Variants in OPRD1 observed in about 807,000 individuals in gnomAD.
OPRD1 encodes opioid receptor delta 1.
Under a neutral mutation model 17.5 loss-of-function variants are expected in OPRD1, and 19 were observed. The ratio of observed to expected loss-of-function variants is 1.09; its 90% CI spans 0.76 to 1.60. The LOEUF (loss-of-function observed/expected upper bound fraction) is 1.60. Ranked by LOEUF, OPRD1 falls within the 40% of genes most tolerant of loss-of-function variation. OPRD1 has a pLI of 0.00. For missense variants in OPRD1, 483 were observed against 547.2 expected (o/e 0.88, Z 1.17); for synonymous variants, 256 against 240.9 (o/e 1.06, Z -0.58).
intron 1 of OPRD1, among the ~76,000 whole-genome samples, chr1:28,841,419 G>A (rs1340674526): frequency 6.6e-6 from 1 of 152,234 alleles, no homozygotes; most frequent in Non-Finnish European, 1.5e-5. Context: ...GTGGTTATGA[G>A]CTTAGGCTCT....
At chr1:28,847,327 CAGCCGTG>C (rs1254438852) in intron 1 of OPRD1, among the ~76,000 whole-genome samples, 1 of 151,896 alleles carries the variant, frequency 6.6e-6, no homozygotes, top group Non-Finnish European at 1.5e-5. Context: ...GCTGGGATTA[CAGCCGTG>C]AGCTACCGCG....
Position 28,812,555 on chromosome 1 carries a change from G to T in OPRD1, c.172G>T (p.Ala58Ser). ...LAIAITALYS[A>S]VCAVGLLGNV... ...AATCGCCATCACCGCGCTCTACTCG[G>T]CCGTGTGCGCCGTGGGGCTGCTGGG... Residue 58 changes from alanine to serine, a missense_variant, in exon 1 of 3, where the codon GCC becomes TCC. Ala to Ser is a moderately conservative substitution (Grantham distance 99). Transcript: ENST00000234961. The T allele has an allele frequency of 1.9e-6, 3 of 1,579,904 alleles. No homozygotes were observed. The highest frequency in any genetic ancestry group is 2.6e-6 in the Non-Finnish European group (3 of 1,169,904).
chr1:28,817,770 T>C (rs2088681307), intron 1 of OPRD1, among the ~76,000 whole-genome samples: 2 of 151,648 alleles, frequency 1.3e-5, no homozygotes, highest in African/African-American at 4.8e-5. Context: ...AGTGGTGTGA[T>C]CTCGGCTCAC....
At chr1:28,829,486 AGC>A (rs780615879) in intron 1 of OPRD1, among the ~76,000 whole-genome samples, 8 of 151,688 alleles carry the variant, frequency 5.3e-5, no homozygotes, top group Non-Finnish European at 1.0e-4. Context: ...CTCCTGCCTC[AGC>A]CTCCTGAGTA....
At chr1:28,812,763 C>T (rs1290835782) in intron 1 of OPRD1, among the ~76,000 whole-genome samples, 153 bp downstream of exon 1, 1 of 152,184 alleles carries the variant, frequency 6.6e-6, no homozygotes, top group African/African-American at 2.4e-5. Flanking sequence ...AGGCCACTTA[C>T]ATCGAGGGGA....
In OPRD1 at chr1:28,864,825, G is replaced by C. The variant is rs1184033396; in HGVS notation, c.*1542G>C. On this transcript the variant is annotated 3_prime_UTR_variant, in exon 3 of 3. Coordinates refer to ENST00000234961, the MANE Select transcript of OPRD1 (RefSeq NM_000911.4). ...GGTCCTGGGCCCTGATAAGAACCTG[G>C]ATGAAATCCTCTTCCATTCTCCCAA... 7 of 152,164 alleles carry C rather than the reference G, an allele frequency of 4.6e-5. No individual in the cohort carries two copies. The highest frequency in any genetic ancestry group is 1.7e-4 in the African/African-American group (7 of 41,402). The allele number at this position is 152,164 out of a possible 1,614,324, so 9.4% of individuals were successfully genotyped here.
At chr1:28,814,059 C>T (rs1316079330) in intron 1 of OPRD1, among the ~76,000 whole-genome samples, 1 of 151,986 alleles carries the variant, frequency 6.6e-6, no homozygotes, top group Non-Finnish European at 1.5e-5. Context: ...GAAAGAGTGG[C>T]GGGTACAAGA....
intron 1 of OPRD1, among the ~76,000 whole-genome samples, chr1:28,843,689 C>T (rs2088915890): frequency 1.3e-5 from 2 of 151,576 alleles, no homozygotes; most frequent in South Asian, 2.1e-4. Context: ...GGTGTGATCT[C>T]GGCTTACTGC....
intron 1 of OPRD1, among the ~76,000 whole-genome samples, chr1:28,814,940 TGAG>T (rs1290782003): frequency 2.6e-5 from 4 of 152,012 alleles, no homozygotes; most frequent in African/African-American, 9.7e-5. Flanking sequence ...GCAGATAAAA[TGAG>T]GAATCTGCAG....
intron 1 of OPRD1, among the ~76,000 whole-genome samples, chr1:28,857,674 T>C (rs1031270510): frequency 2.0e-5 from 3 of 152,100 alleles, no homozygotes; most frequent in African/African-American, 2.4e-5. Context: ...TTTGTAGATA[T>C]GGGGTTTCAC....
intron 1 of OPRD1, among the ~76,000 whole-genome samples, chr1:28,829,549 A>G (rs1164323766): frequency 9.2e-5 from 14 of 151,892 alleles, no homozygotes; most frequent in Non-Finnish European, 2.1e-4. Flanking sequence ...TTGTATTTTT[A>G]GTAGAGATGG....
At chr1:28,852,164 T>TG (rs1295582480) in intron 1 of OPRD1, among the ~76,000 whole-genome samples, 1 of 86,752 alleles carries the variant, frequency 1.2e-5, no homozygotes, top group Non-Finnish European at 2.2e-5. Context: ...AAACTCCATG[T>TG]AAAAAAAAAA....
chr1:28,852,191 A>G (rs1308371333), intron 1 of OPRD1, among the ~76,000 whole-genome samples: 1 of 150,554 alleles, frequency 6.6e-6, no homozygotes, highest in Non-Finnish European at 1.5e-5. Context: ...AAAAAAGAAA[A>G]GAAAGAAAGA....
rs536884715 is a variant in OPRD1, at chr1:28,817,324, G to A, written c.227+4714G>A. ...TGAGATGATGTTGGCAAAGCACCGC[G>A]TTTTCCCTCCTATCTGAGGTGACTG... On this transcript the variant is annotated intron_variant, in intron 1 of 2. Coordinates refer to ENST00000234961, the MANE Select transcript of OPRD1 (RefSeq NM_000911.4). Among the ~76,000 whole-genome samples the A allele has an allele frequency of 5.9e-5, 9 of 152,290 alleles. No homozygotes were observed. The South Asian group carries it at 1.7e-3, about 28-fold the overall frequency.
chr1:28,812,424 C>T lies in OPRD1; in HGVS notation c.41C>T (p.Pro14Leu), dbSNP rs777740780. ...APSAGAELQP[P>L]LFANASDAYP... ...TCCGCCGGCGCCGAGCTGCAGCCCC[C>T]GCTCTTCGCCAACGCCTCGGACGCC... The change falls in exon 1 of 3, where the codon CCG (proline) becomes CTG (leucine). Residue 14 changes from proline (P) to leucine (L), a missense_variant. Transcript: ENST00000234961. The T allele has an allele frequency of 7.3e-5, 109 of 1,487,636 alleles. No individual in the cohort carries two copies. Among genetic ancestry groups the T allele is most frequent in the East Asian group, 1.7e-4 (6 of 34,998 alleles). 92.2% of individuals were successfully genotyped at this position (1,487,636 alleles called of 1,614,324 possible). A position where few individuals can be genotyped will look rare whatever the true frequency, so the allele number is the denominator to read the frequency against.
At chr1:28,832,330 G>C (rs544740345) in intron 1 of OPRD1, among the ~76,000 whole-genome samples, 2 of 152,178 alleles carry the variant, frequency 1.3e-5, no homozygotes, top group Non-Finnish European at 2.9e-5. Context: ...TAAAGGCCAA[G>C]CTCAGTGGCT....
Position 28,865,104 on chromosome 1 carries a change from C to T in OPRD1, c.*1821C>T, listed in dbSNP as rs1199321740. The T allele has an allele frequency of 2.0e-5, 3 of 151,830 alleles. No individual in the cohort carries two copies. Among genetic ancestry groups the T allele is most frequent in the South Asian group, 2.1e-4 (1 of 4,808 alleles). The allele number at this position is 151,830 out of a possible 1,614,324, so 9.4% of individuals were successfully genotyped here. On this transcript the variant is annotated 3_prime_UTR_variant, in exon 3 of 3. Coordinates refer to ENST00000234961, the MANE Select transcript of OPRD1 (RefSeq NM_000911.4). The stretch of plus-strand genomic sequence containing the variant: ...GTAGAAGTTTTTCTTTTCATTGGTT[C>T]GGCATTTTATTCAGGCACTCCTGGA...
intron 1 of OPRD1, among the ~76,000 whole-genome samples, chr1:28,849,385 A>G (rs570205709): frequency 6.6e-6 from 1 of 152,192 alleles, no homozygotes; most frequent in East Asian, 1.9e-4. Flanking sequence ...CAGAGAAGAG[A>G]CCTACGGAAA....
chr1:28,852,161 A>G (rs1321877472), intron 1 of OPRD1, among the ~76,000 whole-genome samples: 2 of 108,820 alleles, frequency 1.8e-5, no homozygotes, highest in Admixed American at 9.9e-5. Context: ...AGCAAACTCC[A>G]TGTAAAAAAA....
Sources: allele counts gnomAD v4.1 joint callset (sites outside exome capture counted in the v4.1 genomes callset), GRCh38; gene constraint gnomAD v4.1.1; transcripts MANE v1.5; gene names NCBI Gene and HGNC (gene_info 2026-07-23, HGNC 2026-07-21).